WDR11: variants seen among roughly 807,000 people sequenced by gnomAD.
WDR11 encodes the protein WD repeat-containing protein 11.
WDR11 carries 83 observed loss-of-function variants against 151.2 expected under a neutral mutation model. That is an observed-to-expected ratio of 0.55 (90% CI 0.46 to 0.66). WDR11 has a LOEUF of 0.66. Ranked by LOEUF, WDR11 falls within the 30% of genes least tolerant of loss-of-function variation. WDR11 has a pLI of 0.00. For synonymous variants in WDR11, 484 were observed against 533.1 expected, an observed-to-expected ratio of 0.91 and a Z score of 1.27; for missense variants, 1,301 against 1,480.9, an observed-to-expected ratio of 0.88 and a Z score of 1.99.
rs966832255 is a variant in WDR11, at chr10:120,873,743, A to G, written c.1472-96A>G. ...TTTGGGTTTCTTTTATAAAAGATAA[A>G]TGTGTTAAGTGATTAAAGTCTTGAG... On this transcript the variant is annotated intron_variant, in intron 10 of 28. Transcript: ENST00000263461. 19 of 823,440 alleles carry G rather than the reference A, an allele frequency of 2.3e-5. 1 individual carries two copies. Among genetic ancestry groups the G allele is most frequent in the Admixed American group, 1.9e-4 (11 of 57,902 alleles). The allele number at this position is 823,440 out of a possible 1,614,324, so 51.0% of individuals were successfully genotyped here.
At position 120,880,888 on chromosome 10, in the gene WDR11, G is replaced by A. The variant is rs745977480; in HGVS notation, c.1726G>A (p.Val576Ile). The change falls in exon 13 of 29, where the codon GTA (valine) becomes ATA (isoleucine). Residue 576 changes from valine (V) to isoleucine (I), a missense_variant. By Grantham distance (29) the Val-to-Ile change is conservative. Coordinates refer to ENST00000263461, the MANE Select transcript of WDR11 (RefSeq NM_018117.12). ...TGAATCTGCCATCGAAATGATTAAA[G>A]TATCTCATTTGAAGTAAGTGTCAAC... The part of the protein sequence containing the change: ...NDESAIEMIK[V>I]SHLKQYLAVV... The A allele has an allele frequency of 1.9e-6, 3 of 1,599,504 alleles. No homozygotes were observed. The highest frequency in any genetic ancestry group is 2.6e-6 in the Non-Finnish European group (3 of 1,170,632).
chr10:120,853,204 A>G (rs1845839751), intron 2 of WDR11, among the ~76,000 whole-genome samples: 1 of 152,208 alleles, frequency 6.6e-6, no homozygotes, highest in Non-Finnish European at 1.5e-5. Flanking sequence ...GAGTGATGAA[A>G]TAAGAGGCAG....
chr10:120,900,956 AAC>A (rs1847792560), intron 20 of WDR11, 78 bp from the exon 21 acceptor site: 2 of 1,051,390 alleles, frequency 1.9e-6, no homozygotes, highest in Non-Finnish European at 3.0e-6. Flanking sequence ...TCTCTATATT[AAC>A]ACAACTTTTT....
chr10:120,865,177 A>G lies in WDR11; in HGVS notation c.844A>G (p.Ile282Val). The change falls in exon 6 of 29, where the codon ATT becomes GTT. Residue 282 changes from isoleucine (I) to valine (V), a missense_variant. This residue lies in a region of WDR11 where 692 missense variants were observed against 762.5 expected (regional missense o/e 0.91). Transcript: ENST00000263461. Reference protein sequence around the residue: ...DLEVNQTVGVIAIERTGVPFL... With the variant: ...DLEVNQTVGVVAIERTGVPFL... ...TGAGGTGAATCAGACGGTGGGTGTG[A>G]TTGCAATAGAACGCACAGGAGTTCC... is the stretch of plus-strand genomic sequence containing the variant. 2 of 1,613,936 alleles carry G rather than the reference A, an allele frequency of 1.2e-6. No homozygotes were observed. Among genetic ancestry groups the G allele is most frequent in the Non-Finnish European group, 1.7e-6 (2 of 1,179,866 alleles).
chr10:120,859,416 C>T (rs7093756), intron 3 of WDR11, among the ~76,000 whole-genome samples: 9,463 of 151,682 alleles, frequency 0.062, 972 homozygotes, highest in African/African-American at 0.22. Context: ...CACAGGCACA[C>T]ACCACCACAC....
chr10:120,860,194 C>T lies in WDR11; in HGVS notation c.438C>T (p.Ala146=), dbSNP rs750707376. Residue 146 remains alanine (A), a synonymous_variant, in exon 4 of 29, where the codon GCC becomes GCT. Coordinates refer to ENST00000263461, the MANE Select transcript of WDR11 (RefSeq NM_018117.12). ...CAAATTACATTGTGCTCTGGAATGC[C>T]GACACTGGCACCAAACTATGGAAGA... is the stretch of plus-strand genomic sequence containing the variant. ...HPPNYIVLWN[A]DTGTKLWKKS... is the part of the protein sequence containing the mutation. The T allele has an allele frequency of 8.7e-6, 14 of 1,613,946 alleles. No homozygotes were observed. Among genetic ancestry groups the T allele is most frequent in the Middle Eastern group, 1.6e-4 (1 of 6,084 alleles).
At chr10:120,881,208 A>G (rs1846995412) in intron 13 of WDR11, among the ~76,000 whole-genome samples, 1 of 152,174 alleles carries the variant, frequency 6.6e-6, no homozygotes, top group South Asian at 2.1e-4. Flanking sequence ...TTCTTTATGT[A>G]TAATTTAAAC....
Position 120,851,486 on chromosome 10 carries a change from C to G in WDR11, c.66C>G (p.His22Gln), listed in dbSNP as rs138044064. 131 of 1,611,988 alleles carry G rather than the reference C, an allele frequency of 8.1e-5. No homozygotes were observed. The African/African-American group carries it at 1.5e-3, about 19-fold the overall frequency. The change falls in exon 1 of 29, where the codon CAC becomes CAG. Residue 22 changes from histidine (H) to glutamine (Q), a missense_variant. His to Gln is a conservative substitution (Grantham distance 24, BLOSUM62 0). Coordinates refer to ENST00000263461, the MANE Select transcript of WDR11 (RefSeq NM_018117.12). ...ARTLTGALNA[H>Q]NKAAVDWGWQ... ...CCCTCACGGGGGCCCTCAACGCCCACAACAAGGCGGCGGTGGACTGGTGAG... is the reference window on the plus strand; with the variant it reads ...CCCTCACGGGGGCCCTCAACGCCCAGAACAAGGCGGCGGTGGACTGGTGAG...
chr10:120,904,806 T>C lies in WDR11; in HGVS notation c.3188T>C (p.Leu1063Ser). ...ACGAATATGATTGCCAATGGCAAAT[T>C]GGCAGGTAAGGCACACTTGATATGT... Reference protein sequence around the residue: ...VATNMIANGKLAEGVQLLCLI... With the variant: ...VATNMIANGKSAEGVQLLCLI... Residue 1063 changes from leucine (L) to serine (S), a missense_variant, in exon 25 of 29, where the codon TTG becomes TCG. This residue lies in a region of WDR11 where 589 missense variants were observed against 670.6 expected (regional missense o/e 0.88). Coordinates refer to ENST00000263461, the MANE Select transcript of WDR11 (RefSeq NM_018117.12). The C allele has an allele frequency of 6.2e-7, 1 of 1,614,218 alleles. No individual in the cohort carries two copies. The highest frequency in any genetic ancestry group is 8.5e-7 in the Non-Finnish European group (1 of 1,180,038).
chr10:120,854,200 C>T (rs1356087139), intron 2 of WDR11, among the ~76,000 whole-genome samples: 3 of 152,172 alleles, frequency 2.0e-5, no homozygotes, highest in Admixed American at 2.0e-4. Flanking sequence ...TTTCCCTCAT[C>T]CTTTGGCAAC....
intron 13 of WDR11, among the ~76,000 whole-genome samples, chr10:120,881,310 A>G (rs759304297): frequency 2.9e-4 from 44 of 152,326 alleles, no homozygotes; most frequent in Non-Finnish European, 5.7e-4. Flanking sequence ...ATGAAAATCA[A>G]TCAAAATTAC....
intron 10 of WDR11, 139 bp downstream of exon 10, chr10:120,871,485 C>A: frequency 2.5e-6 from 2 of 789,598 alleles, no homozygotes; most frequent in Non-Finnish European, 1.8e-6. Flanking sequence ...AAATACTCAT[C>A]CTGGAACTTA....
Position 120,890,748 on chromosome 10 carries a change from A to T in WDR11, c.2376A>T (p.Arg792Ser). 1 of 1,614,176 alleles carries T rather than the reference A, an allele frequency of 6.2e-7. No homozygotes were observed. The highest frequency in any genetic ancestry group is 8.5e-7 in the Non-Finnish European group (1 of 1,180,036). ...VQMVSSLRSGRNVTFRILDVD... is the reference protein window; with the variant it reads ...VQMVSSLRSGSNVTFRILDVD... ...TGGTGAGCAGTTTAAGAAGTGGCAGAAATGTGACCTTTCGTATATTGGATG... is the reference window on the plus strand; with the variant it reads ...TGGTGAGCAGTTTAAGAAGTGGCAGTAATGTGACCTTTCGTATATTGGATG... Residue 792 changes from arginine (R) to serine (S), a missense_variant, in exon 19 of 29, where the codon AGA becomes AGT. Coordinates refer to ENST00000263461, the MANE Select transcript of WDR11 (RefSeq NM_018117.12).
chr10:120,857,092 G>A (rs768799), intron 2 of WDR11, among the ~76,000 whole-genome samples: 55,276 of 151,492 alleles, frequency 0.36, 10,072 homozygotes, highest in Admixed American at 0.44. Context: ...ATATATATAT[G>A]TATGTATTTT....
At chr10:120,872,833 A>G (rs1846593200) in intron 10 of WDR11, among the ~76,000 whole-genome samples, 1 of 152,178 alleles carries the variant, frequency 6.6e-6, no homozygotes, top group Non-Finnish European at 1.5e-5. Flanking sequence ...GTGTTTTTCT[A>G]GAATAGTTTT....
At position 120,904,708 on chromosome 10, in the gene WDR11, T is replaced by C; in HGVS notation, c.3090T>C (p.Asp1030=). Residue 1030 remains aspartate, a synonymous_variant, in exon 25 of 29, where the codon GAT becomes GAC. Transcript: ENST00000263461. ...CAGATAACCAGCATTATTACTGTGA[T>C]TCACTGAAAGCCTGTTTAGTCACTA... is the stretch of plus-strand genomic sequence containing the variant. ...TSADNQHYYC[D]SLKACLVTTV... 6.2e-7 allele frequency: 1 copy of C among 1,614,188 alleles called. No individual in the cohort carries two copies. Among genetic ancestry groups the C allele is most frequent in the Non-Finnish European group, 8.5e-7 (1 of 1,180,020 alleles).
intron 15 of WDR11, among the ~76,000 whole-genome samples, chr10:120,886,385 T>C (rs1333634703): frequency 1.3e-5 from 2 of 152,076 alleles, no homozygotes; most frequent in East Asian, 1.9e-4. Flanking sequence ...GTTGGGTCAC[T>C]GTACAGCCTC....
At chr10:120,906,077 G>A in intron 27 of WDR11, 56 bp downstream of exon 27, 3 of 1,612,202 alleles carry the variant, frequency 1.9e-6, no homozygotes, top group African/African-American at 1.3e-5. Flanking sequence ...GTCACTTCAT[G>A]TTCTCTCGCG....
chr10:120,906,851 C>T lies in WDR11; in HGVS notation c.3513C>T (p.Asp1171=), dbSNP rs1230289365. ...ATGGAGCATTTGAAGTCACTGAGGACACAGATATCCTTTGCAAGGTTGTTT... is the reference window on the plus strand; with the variant it reads ...ATGGAGCATTTGAAGTCACTGAGGATACAGATATCCTTTGCAAGGTTGTTT... ...LKYGAFEVTE[D]TEKLITAIYA... The change falls in exon 28 of 29, where the codon GAC becomes GAT. Residue 1171 remains aspartate (D), a synonymous_variant. Coordinates refer to ENST00000263461, the MANE Select transcript of WDR11 (RefSeq NM_018117.12). 1.2e-6 allele frequency: 2 copies of T among 1,614,050 alleles called. No homozygotes were observed. The highest frequency in any genetic ancestry group is 1.1e-5 in the South Asian group (1 of 91,090).
Sources: gnomAD v4.1 joint callset for allele counts (sites outside exome capture counted in the v4.1 genomes callset) on GRCh38, gnomAD v4.1.1 for gene constraint, gnomAD v4.1.1 regional missense constraint, MANE v1.5 for transcripts, NCBI Gene and HGNC (gene_info 2026-07-23, HGNC 2026-07-21) for gene names.